Variants in GALNT18 observed in about 807,000 individuals in gnomAD.
GALNT18 encodes polypeptide N-acetylgalactosaminyltransferase 18.
A neutral mutation model predicts 69.5 loss-of-function variants in GALNT18; 44 were observed. That is an observed-to-expected ratio of 0.63 (90% CI 0.50 to 0.81). The LOEUF (loss-of-function observed/expected upper bound fraction) is 0.81. Among genes scored for constraint, GALNT18 ranks in the 40% least tolerant of loss-of-function variants. The pLI is 0.00. For synonymous variants in GALNT18, 364 were observed against 318.2 expected, an observed-to-expected ratio of 1.14 and a Z score of -1.53; for missense variants, 715 against 810.0, an observed-to-expected ratio of 0.88 and a Z score of 1.42.
chr11:11,315,199 T>G lies in GALNT18; in HGVS notation c.1512+11887A>C, dbSNP rs1164430406. Reference sequence around the variant, plus strand: ...AACTAAGCTTTAAGTTACAGATACTTGAGGTCAAGAGAAATTATGTGTTCA... The same window carrying G: ...AACTAAGCTTTAAGTTACAGATACTGGAGGTCAAGAGAAATTATGTGTTCA... On this transcript the variant is annotated intron_variant, in intron 9 of 10. Transcript: ENST00000227756. The surrounding 1 kb of genome is among the most constrained non-coding windows in gnomAD (Gnocchi z 5.6). Among the ~76,000 whole-genome samples, 2 of 152,126 alleles carry G rather than the reference T, an allele frequency of 1.3e-5. No homozygotes were observed. The highest frequency in any genetic ancestry group is 2.9e-5 in the Non-Finnish European group (2 of 68,028).
chr11:11,369,597 G>A (rs949313339), intron 6 of GALNT18, among the ~76,000 whole-genome samples: 13 of 152,076 alleles, frequency 8.5e-5, no homozygotes, highest in African/African-American at 3.1e-4. Flanking sequence ...TTGGGGCTGG[G>A]GGCACTCAAT....
At chr11:11,417,611 C>A (rs1254973459) in intron 3 of GALNT18, among the ~76,000 whole-genome samples, 1 of 152,222 alleles carries the variant, frequency 6.6e-6, no homozygotes, top group African/African-American at 2.4e-5. Flanking sequence ...ACAGTGCTGG[C>A]TGCCCCTCTC....
intron 9 of GALNT18, among the ~76,000 whole-genome samples, chr11:11,296,044 G>C (rs780116759): frequency 2.0e-5 from 3 of 152,106 alleles, no homozygotes; most frequent in Non-Finnish European, 4.4e-5. Context: ...TTGGCAACTG[G>C]TAGGATGGAG....
intron 1 of GALNT18, among the ~76,000 whole-genome samples, chr11:11,568,909 T>C (rs1590106601): frequency 1.3e-5 from 2 of 152,240 alleles, no homozygotes; most frequent in South Asian, 4.1e-4. Flanking sequence ...GGCTCTGTTT[T>C]GATCTACTGT....
intron 2 of GALNT18, among the ~76,000 whole-genome samples, chr11:11,437,180 C>T (rs530367532): frequency 3.3e-5 from 5 of 152,322 alleles, no homozygotes; most frequent in East Asian, 1.9e-4. Context: ...CCAGCCCTTC[C>T]GTGTTTAAGC....
At chr11:11,503,186 G>A (rs933244826) in intron 1 of GALNT18, among the ~76,000 whole-genome samples, 1 of 152,176 alleles carries the variant, frequency 6.6e-6, no homozygotes, top group African/African-American at 2.4e-5. Context: ...AGGCATCGGA[G>A]GTAATATGCT....
intron 9 of GALNT18, among the ~76,000 whole-genome samples, chr11:11,299,489 C>T (rs930699875): frequency 1.3e-5 from 2 of 152,188 alleles, no homozygotes; most frequent in African/African-American, 2.4e-5. Context: ...ACCTCTTCCT[C>T]CAAGTCCCCA....
intron 1 of GALNT18, among the ~76,000 whole-genome samples, chr11:11,549,427 T>A (rs1372609975): frequency 6.6e-6 from 1 of 152,252 alleles, no homozygotes; most frequent in Non-Finnish European, 1.5e-5. Context: ...GGAATCTTCA[T>A]CTATATCAGT....
Position 11,546,797 on chromosome 11 carries a change from C to T in GALNT18, c.235+74562G>A, listed in dbSNP as rs1343399582. On this transcript the variant is annotated intron_variant, in intron 1 of 10. Coordinates refer to ENST00000227756, the MANE Select transcript of GALNT18 (RefSeq NM_198516.3). The surrounding 1 kb of genome is among the most constrained non-coding windows in gnomAD (Gnocchi z 5.8). Reference sequence around the variant, plus strand: ...AATTATCTGAGGACCTGGCATAGAGCAGGCACTCAGATCAATTTTCGGTCA... The same window carrying T: ...AATTATCTGAGGACCTGGCATAGAGTAGGCACTCAGATCAATTTTCGGTCA... Among the ~76,000 whole-genome samples the T allele has an allele frequency of 1.3e-5, 2 of 151,898 alleles. No homozygotes were observed. The highest frequency in any genetic ancestry group is 1.3e-4 in the Admixed American group (2 of 15,260).
intron 9 of GALNT18, among the ~76,000 whole-genome samples, chr11:11,317,570 T>G (rs1038710775): frequency 6.6e-6 from 1 of 152,196 alleles, no homozygotes; most frequent in Admixed American, 6.5e-5. Flanking sequence ...CCTTTGCCCA[T>G]TCTTAATGGG....
chr11:11,525,770 G>A (rs894897827), intron 1 of GALNT18, among the ~76,000 whole-genome samples: 6 of 151,850 alleles, frequency 4.0e-5, no homozygotes, highest in African/African-American at 1.5e-4. Flanking sequence ...GAGTAGCTGG[G>A]ATTACAGGCG....
chr11:11,397,307 G>A (rs1854356824), intron 3 of GALNT18, among the ~76,000 whole-genome samples: 1 of 152,308 alleles, frequency 6.6e-6, no homozygotes, highest in South Asian at 2.1e-4. Flanking sequence ...CTGGGTTTTA[G>A]TAGACAGATA....
intron 1 of GALNT18, among the ~76,000 whole-genome samples, chr11:11,568,156 G>C (rs935857579): frequency 6.6e-6 from 1 of 152,220 alleles, no homozygotes; most frequent in Non-Finnish European, 1.5e-5. Context: ...CACAAAACGA[G>C]AAAGTATGTG....
In GALNT18 at chr11:11,432,554, G is replaced by C; in HGVS notation, c.595+67C>G. The stretch of plus-strand genomic sequence containing the variant: ...GCCTTGAGCAAATGTGAACCACGAC[G>C]CTGAACCATCAGCTTAGATGTCAGC... On this transcript the variant is annotated intron_variant, in intron 3 of 10. Coordinates refer to ENST00000227756, the MANE Select transcript of GALNT18 (RefSeq NM_198516.3). This position sits in a 1 kb window ranked among gnomAD's most constrained non-coding sequence, Gnocchi z 5.8. The C allele has an allele frequency of 1.3e-6, 2 of 1,490,448 alleles. No homozygotes were observed. The highest frequency in any genetic ancestry group is 1.8e-6 in the Non-Finnish European group (2 of 1,096,040). The allele number at this position is 1,490,448 out of a possible 1,614,324, so 92.3% of individuals were successfully genotyped here.
chr11:11,608,781 A>T (rs1479083969), intron 1 of GALNT18, among the ~76,000 whole-genome samples: 1 of 152,146 alleles, frequency 6.6e-6, no homozygotes, highest in East Asian at 1.9e-4. Context: ...ACTCTCTTCC[A>T]CCACACTCAC....
chr11:11,438,584 T>C (rs950197168), intron 2 of GALNT18, among the ~76,000 whole-genome samples: 3 of 152,222 alleles, frequency 2.0e-5, no homozygotes, highest in Non-Finnish European at 4.4e-5. Context: ...TGGTAAGTTA[T>C]CTTCCAGGGT....
chr11:11,477,441 G>T (rs1856426411), intron 1 of GALNT18, among the ~76,000 whole-genome samples: 1 of 152,294 alleles, frequency 6.6e-6, no homozygotes, highest in South Asian at 2.1e-4. Flanking sequence ...TTAAATATCT[G>T]CCTGGGCCTG....
chr11:11,392,595 G>A (rs1186681590), intron 3 of GALNT18, among the ~76,000 whole-genome samples: 1 of 152,054 alleles, frequency 6.6e-6, no homozygotes, highest in East Asian at 1.9e-4. Flanking sequence ...CTCTAGCCTG[G>A]GCGACAAAAG....
At chr11:11,328,390 C>A (rs1203518703) in intron 8 of GALNT18, among the ~76,000 whole-genome samples, 1 of 152,138 alleles carries the variant, frequency 6.6e-6, no homozygotes, top group Non-Finnish European at 1.5e-5. Context: ...AGGAAAGAGG[C>A]CACAGGGAGG....
Sources: gnomAD v4.1 joint callset for allele counts (sites outside exome capture counted in the v4.1 genomes callset) on GRCh38, gnomAD v4.1.1 for gene constraint, Gnocchi (gnomAD v3.1) non-coding constraint, MANE v1.5 for transcripts, NCBI Gene and HGNC (gene_info 2026-07-23, HGNC 2026-07-21) for gene names.